ITPR1: variants seen among roughly 807,000 people sequenced by gnomAD.
ITPR1 encodes the protein inositol 1,4,5-trisphosphate receptor type 1.
In ITPR1, 96 loss-of-function variants were observed where a neutral mutation model predicts 318.4. That is an observed-to-expected ratio of 0.30 (90% CI 0.26 to 0.36). The LOEUF is 0.36. ITPR1 is among the 10% of genes least tolerant of loss of function. The pLI is 1.00. For missense variants in ITPR1, 2,440 were observed against 3,460.2 expected (o/e 0.71, Z 7.40); for synonymous variants, 1,312 against 1,289.9 (o/e 1.02, Z -0.37).
At chr3:4,680,525 C>A (rs1401212753) in intron 24 of ITPR1, 28 bp from the exon 25 acceptor site, 1 of 1,605,216 alleles carries the variant, frequency 6.2e-7, no homozygotes, top group Admixed American at 1.7e-5. Context: ...TGTAACCAAT[C>A]TGTTTCCATT....
chr3:4,782,728 T>C lies in ITPR1; in HGVS notation c.6497T>C (p.Ile2166Thr). ...SPRNVGHNIY[I>T]LAHQLARHNK... ...AGGAACGTGGGGCACAACATCTACA[T>C]ATTAGCCCATCAGGTATGATCTCTC... is the stretch of plus-strand genomic sequence containing the variant. The change falls in exon 50 of 62, where the codon ATA becomes ACA. Residue 2166 changes from isoleucine to threonine, a missense_variant. This residue lies in a region of ITPR1 where 115 missense variants were observed against 204.5 expected (regional missense o/e 0.56). Coordinates refer to ENST00000649015, the MANE Select transcript of ITPR1 (RefSeq NM_001378452.1). 6.4e-7 allele frequency: 1 copy of C among 1,569,966 alleles called. No homozygotes were observed.
At chr3:4,643,268 C>G (rs988173837) in intron 7 of ITPR1, among the ~76,000 whole-genome samples, 1 of 152,186 alleles carries the variant, frequency 6.6e-6, no homozygotes, top group Non-Finnish European at 1.5e-5. Flanking sequence ...ATATGCTCCT[C>G]AAATGTGATA....
intron 44 of ITPR1, among the ~76,000 whole-genome samples, chr3:4,744,149 A>G (rs975592552): frequency 6.6e-6 from 1 of 152,220 alleles, no homozygotes; most frequent in African/African-American, 2.4e-5. Flanking sequence ...ATTTGTTTCT[A>G]AGAGGAGATG....
rs773732638 is a variant in ITPR1, at chr3:4,658,177, G to C, written c.1050G>C (p.Lys350Asn). 6.2e-7 allele frequency: 1 copy of C among 1,613,646 alleles called. No homozygotes were observed. Residue 350 changes from lysine to asparagine, a missense_variant, in exon 13 of 62, where the codon AAG (lysine) becomes AAC (asparagine). Transcript: ENST00000649015. ...GTAGGTTGCGGAATGCCCAAGAAAA[G>C]ATGGTATACTCCCTGGTCTCTGTGC... is the stretch of plus-strand genomic sequence containing the variant. ...SRSRLRNAQE[K>N]MVYSLVSVPE... is the part of the protein sequence containing the mutation.
intron 4 of ITPR1, among the ~76,000 whole-genome samples, chr3:4,574,492 AAT>A (rs1462751534): frequency 5.3e-5 from 8 of 152,306 alleles, no homozygotes; most frequent in African/African-American, 1.9e-4. Context: ...CTCCTTGTAA[AAT>A]ATACCAAAAT....
At chr3:4,824,966 C>T (rs942014085) in intron 60 of ITPR1, among the ~76,000 whole-genome samples, 1 of 152,148 alleles carries the variant, frequency 6.6e-6, no homozygotes, top group African/African-American at 2.4e-5. Flanking sequence ...ATGACATGTC[C>T]TTTGGTGGCC....
chr3:4,754,056 G>A lies in ITPR1; in HGVS notation c.5545-12474G>A, dbSNP rs371477837. On this transcript the variant is annotated intron_variant, in intron 44 of 61. Transcript: ENST00000649015. The stretch of plus-strand genomic sequence containing the variant: ...TGCACAAACACAGAAAATGGGGGGG[G>A]GGTGGCAAGGATTATTCTTGGCATC... 1.5e-5 allele frequency among the ~76,000 whole-genome samples: 2 copies of A among 132,170 alleles called. 1 individual carries two copies. Among genetic ancestry groups the A allele is most frequent in the Non-Finnish European group, 3.5e-5 (2 of 57,876 alleles). 86.7% of individuals were successfully genotyped at this position (132,170 alleles called of 152,430 possible). A position where few individuals can be genotyped will look rare whatever the true frequency, so the allele number is the denominator to read the frequency against.
intron 40 of ITPR1, among the ~76,000 whole-genome samples, chr3:4,718,261 C>G (rs1029792886): frequency 2.6e-5 from 4 of 152,216 alleles, no homozygotes; most frequent in African/African-American, 9.6e-5. Flanking sequence ...GTTGGCAAAT[C>G]AAGCAAACTG....
At chr3:4,506,527 C>G (rs1315898188) in intron 2 of ITPR1, among the ~76,000 whole-genome samples, 2 of 152,158 alleles carry the variant, frequency 1.3e-5, no homozygotes, top group African/African-American at 4.8e-5. Context: ...ATACTCATCA[C>G]TATCTGATTT....
At chr3:4,599,766 C>T (rs1272230211) in intron 4 of ITPR1, among the ~76,000 whole-genome samples, 13 of 152,210 alleles carry the variant, frequency 8.5e-5, no homozygotes, top group Admixed American at 8.5e-4. Context: ...GACTTGACTT[C>T]CCTGATACCA....
chr3:4,548,270 A>G (rs574279441), intron 4 of ITPR1, among the ~76,000 whole-genome samples: 1 of 152,300 alleles, frequency 6.6e-6, no homozygotes, highest in East Asian at 1.9e-4. Flanking sequence ...TCACCTTTGT[A>G]CTGCATTCAA....
At chr3:4,686,538 G>T (rs1309951127) in intron 30 of ITPR1, among the ~76,000 whole-genome samples, 1 of 152,214 alleles carries the variant, frequency 6.6e-6, no homozygotes, top group Non-Finnish European at 1.5e-5. Flanking sequence ...CCTAATGAGA[G>T]TTATGCCTTC....
At chr3:4,836,684 A>T in intron 60 of ITPR1, 90 bp from the exon 61 acceptor site, 1 of 1,214,904 alleles carries the variant, frequency 8.2e-7, no homozygotes, top group Non-Finnish European at 1.1e-6. Flanking sequence ...GTTAGGAAAC[A>T]TGGCACGGTA....
intron 29 of ITPR1, 47 bp from the exon 30 acceptor site, chr3:4,685,021 CA>C: frequency 3.8e-6 from 6 of 1,584,174 alleles, no homozygotes; most frequent in Non-Finnish European, 5.2e-6. Context: ...AATCTTTTTC[CA>C]GCTATAGTTC....
intron 4 of ITPR1, among the ~76,000 whole-genome samples, chr3:4,598,221 A>G (rs1042975565): frequency 6.6e-6 from 1 of 152,182 alleles, no homozygotes; most frequent in Non-Finnish European, 1.5e-5. Flanking sequence ...GCTTCTGTGC[A>G]TGTCATATGG....
At chr3:4,789,305 A>T (rs1434008859) in intron 52 of ITPR1, among the ~76,000 whole-genome samples, 3 of 152,212 alleles carry the variant, frequency 2.0e-5, no homozygotes, top group Admixed American at 2.0e-4. Context: ...GGACCTCAGG[A>T]GACACAGGTG....
chr3:4,609,182 C>G (rs1272005457), intron 4 of ITPR1, among the ~76,000 whole-genome samples: 1 of 147,192 alleles, frequency 6.8e-6, no homozygotes, highest in African/African-American at 2.5e-5. Flanking sequence ...AGGTGCCATC[C>G]TTGAGAATCT....
At chr3:4,836,366 C>A (rs1423018118) in intron 60 of ITPR1, among the ~76,000 whole-genome samples, 1 of 152,054 alleles carries the variant, frequency 6.6e-6, no homozygotes, top group Non-Finnish European at 1.5e-5. Context: ...GTACTTAATG[C>A]CACTAAACTG....
At chr3:4,659,051 C>A (rs188671940) in intron 13 of ITPR1, among the ~76,000 whole-genome samples, 1 of 152,144 alleles carries the variant, frequency 6.6e-6, no homozygotes, top group African/African-American at 2.4e-5. Flanking sequence ...CAGTGAGTCC[C>A]GTAGCAGAAC....
Sources: gnomAD v4.1 joint callset for allele counts (sites outside exome capture counted in the v4.1 genomes callset) on GRCh38, gnomAD v4.1.1 for gene constraint, gnomAD v4.1.1 regional missense constraint, MANE v1.5 for transcripts, NCBI Gene and HGNC (gene_info 2026-07-23, HGNC 2026-07-21) for gene names.